The following TNNI3K variants were observed in gnomAD, a reference collection of about 807,000 sequenced individuals.
TNNI3K encodes the protein TNNI3 interacting kinase.
Under a neutral mutation model 114.5 loss-of-function variants are expected in TNNI3K, and 140 were observed. The observed-to-expected ratio is 1.22, with a 90% confidence interval of 1.07 to 1.41. The LOEUF (loss-of-function observed/expected upper bound fraction) is 1.41. Among genes scored for constraint, TNNI3K ranks in the 40% most tolerant of loss-of-function variants. TNNI3K has a pLI of 0.00. For synonymous variants in TNNI3K, 347 were observed against 347.5 expected (o/e 1.00, Z 0.02); for missense variants, 1,125 against 1,007.6 (o/e 1.12, Z -1.58).
intron 23 of TNNI3K, among the ~76,000 whole-genome samples, chr1:74,510,258 GC>G (rs1670117667): frequency 6.6e-6 from 1 of 152,142 alleles, no homozygotes; most frequent in Non-Finnish European, 1.5e-5. Flanking sequence ...TGTAATCCCA[GC>G]ACTTTCGGAG....
chr1:74,338,083 A>T (rs1660570709), intron 7 of TNNI3K, among the ~76,000 whole-genome samples: 1 of 152,070 alleles, frequency 6.6e-6, no homozygotes, highest in Non-Finnish European at 1.5e-5. Flanking sequence ...TATATGAGAG[A>T]ATTGATAAAT....
intron 23 of TNNI3K, 143 bp from the exon 24 acceptor site, chr1:74,540,091 A>T (rs940871987): frequency 2.6e-6 from 2 of 766,470 alleles, no homozygotes; most frequent in Non-Finnish European, 4.0e-6. Context: ...ACTCTTCCCC[A>T]ACTAGTTACT....
chr1:74,464,643 C>T, intron 21 of TNNI3K: 1 of 1,586,338 alleles, frequency 6.3e-7, no homozygotes, highest in Non-Finnish European at 8.6e-7. Flanking sequence ...AGGCAAAATC[C>T]AGACCAAGTC....
intron 5 of TNNI3K, among the ~76,000 whole-genome samples, chr1:74,287,561 G>A (rs1380756275): frequency 3.3e-5 from 5 of 152,070 alleles, no homozygotes; most frequent in African/African-American, 1.2e-4. Context: ...TTCAATAAAT[G>A]ATACTGAGAC....
intron 21 of TNNI3K, among the ~76,000 whole-genome samples, chr1:74,476,785 T>C (rs1317823276): frequency 6.6e-6 from 1 of 152,176 alleles, no homozygotes; most frequent in African/African-American, 2.4e-5. Context: ...TTTGACTGGC[T>C]ACACCATGTC....
At chr1:74,516,057 G>A (rs1205225983) in intron 23 of TNNI3K, among the ~76,000 whole-genome samples, 1 of 152,198 alleles carries the variant, frequency 6.6e-6, no homozygotes, top group Non-Finnish European at 1.5e-5. Context: ...CAACTTACTG[G>A]TGAAGCCATC....
chr1:74,337,304 T>C (rs954778583), intron 7 of TNNI3K, among the ~76,000 whole-genome samples: 2 of 151,638 alleles, frequency 1.3e-5, no homozygotes, highest in African/African-American at 4.8e-5. Flanking sequence ...GTAGGTTGCC[T>C]GTTCACTCTG....
At chr1:74,286,865 A>T (rs1041531294) in intron 5 of TNNI3K, among the ~76,000 whole-genome samples, 7 of 152,112 alleles carry the variant, frequency 4.6e-5, no homozygotes, top group Non-Finnish European at 1.0e-4. Context: ...CTACCCAGGA[A>T]ACAAAGCACC....
chr1:74,317,459 A>G (rs933303001), intron 5 of TNNI3K, among the ~76,000 whole-genome samples: 1 of 152,218 alleles, frequency 6.6e-6, no homozygotes, highest in Non-Finnish European at 1.5e-5. Flanking sequence ...GCTGGGGTAC[A>G]GAGGGAGATT....
At chr1:74,326,408 G>A (rs185938403) in intron 5 of TNNI3K, among the ~76,000 whole-genome samples, 382 of 152,210 alleles carry the variant, frequency 2.5e-3, no homozygotes, top group African/African-American at 8.5e-3. Flanking sequence ...AAGTTATACT[G>A]TAGCAAAAAC....
intron 17 of TNNI3K, among the ~76,000 whole-genome samples, chr1:74,404,480 C>G (rs182759171): frequency 1.3e-5 from 2 of 152,306 alleles, no homozygotes; most frequent in East Asian, 3.9e-4. Flanking sequence ...GTCTAATTCT[C>G]TTGGCCTATG....
intron 2 of TNNI3K, among the ~76,000 whole-genome samples, chr1:74,241,736 C>G (rs1473535005): frequency 6.6e-6 from 1 of 152,086 alleles, no homozygotes; most frequent in Non-Finnish European, 1.5e-5. Flanking sequence ...TGCCTGTTCA[C>G]TCTGATGGTA....
At chr1:74,533,595 A>G (rs1646620744) in intron 23 of TNNI3K, among the ~76,000 whole-genome samples, 1 of 152,194 alleles carries the variant, frequency 6.6e-6, no homozygotes, top group Non-Finnish European at 1.5e-5. Flanking sequence ...TCATGCTGCT[A>G]TAAAGACACA....
chr1:74,532,636 C>T (rs1646604806), intron 23 of TNNI3K, among the ~76,000 whole-genome samples: 1 of 151,750 alleles, frequency 6.6e-6, no homozygotes, highest in South Asian at 2.1e-4. Flanking sequence ...TCGCCCCACC[C>T]CACAGCAGTC....
At chr1:74,323,522 G>A (rs1659736840) in intron 5 of TNNI3K, among the ~76,000 whole-genome samples, 1 of 151,888 alleles carries the variant, frequency 6.6e-6, no homozygotes, top group South Asian at 2.1e-4. Context: ...TTTGATCAAT[G>A]CAAAGACAAT....
chr1:74,343,212 A>T, intron 9 of TNNI3K, 33 bp downstream of exon 9: 2 of 1,577,446 alleles, frequency 1.3e-6, no homozygotes, highest in Non-Finnish European at 1.7e-6. Flanking sequence ...TAGCCACTAA[A>T]CTTAGCTGAC....
chr1:74,419,073 A>G (rs1665272412), intron 17 of TNNI3K, among the ~76,000 whole-genome samples: 1 of 152,088 alleles, frequency 6.6e-6, no homozygotes, highest in South Asian at 2.1e-4. Flanking sequence ...GCTTAAAACA[A>G]CAGGAAGTTA....
chr1:74,500,238 T>C (rs1410688114), intron 23 of TNNI3K, among the ~76,000 whole-genome samples: 1 of 152,150 alleles, frequency 6.6e-6, no homozygotes, highest in Non-Finnish European at 1.5e-5. Flanking sequence ...TATACAACTA[T>C]GTTTTATTTA....
intron 17 of TNNI3K, among the ~76,000 whole-genome samples, chr1:74,390,811 G>A (rs1663725678): frequency 6.6e-6 from 1 of 152,142 alleles, no homozygotes; most frequent in African/African-American, 2.4e-5. Context: ...GGTTATGAAA[G>A]CCTTCTCTGA....
Sources: allele counts gnomAD v4.1 joint callset (sites outside exome capture counted in the v4.1 genomes callset), GRCh38; gene constraint gnomAD v4.1.1; transcripts MANE v1.5; gene names NCBI Gene and HGNC (gene_info 2026-07-23, HGNC 2026-07-21).